Variants in MARCHF1 observed in about 807,000 individuals in gnomAD.
MARCHF1 encodes the protein membrane associated ring-CH-type finger 1.
In MARCHF1, 40 loss-of-function variants were observed where a neutral mutation model predicts 54.2. The ratio of observed to expected loss-of-function variants is 0.74; its 90% CI spans 0.57 to 0.96. The LOEUF (loss-of-function observed/expected upper bound fraction) is 0.96. Among genes scored for constraint, MARCHF1 ranks in the 40% least tolerant of loss-of-function variants. MARCHF1 has a pLI of 0.00. For synonymous variants in MARCHF1, 236 were observed against 236.3 expected (o/e 1.00, Z 0.01); for missense variants, 586 against 656.5 (o/e 0.89, Z 1.17).
chr4:164,162,254 C>A (rs1385825689), intron 1 of MARCHF1, among the ~76,000 whole-genome samples: 1 of 151,658 alleles, frequency 6.6e-6, no homozygotes, highest in African/African-American at 2.4e-5. Flanking sequence ...AATGCAAAAC[C>A]AATCATTACA....
At chr4:164,225,770 C>CA (rs1250458259) in intron 1 of MARCHF1, among the ~76,000 whole-genome samples, 3 of 151,990 alleles carry the variant, frequency 2.0e-5, no homozygotes, top group African/African-American at 7.2e-5. Flanking sequence ...TGTTGAAAAA[C>CA]AGTTTGGCAG....
intron 4 of MARCHF1, among the ~76,000 whole-genome samples, chr4:163,812,286 T>A (rs185840862): frequency 3.8e-3 from 520 of 138,640 alleles, no homozygotes; most frequent in Admixed American, 8.6e-3. Flanking sequence ...ATAACATATA[T>A]TATATATATA....
intron 3 of MARCHF1, among the ~76,000 whole-genome samples, chr4:163,921,830 A>G (rs747639921): frequency 6.6e-5 from 10 of 152,162 alleles, no homozygotes; most frequent in Non-Finnish European, 1.3e-4. Flanking sequence ...AATCTTGGAA[A>G]TTGGCAAAGG....
chr4:164,283,589 G>A (rs1734077396), intron 1 of MARCHF1, among the ~76,000 whole-genome samples: 1 of 150,938 alleles, frequency 6.6e-6, no homozygotes, highest in East Asian at 2.0e-4. Context: ...AGAATTTCTG[G>A]CAGTGCCAGA....
intron 9 of MARCHF1, among the ~76,000 whole-genome samples, chr4:163,536,217 T>A (rs944939877): frequency 5.3e-5 from 8 of 152,290 alleles, no homozygotes; most frequent in African/African-American, 1.7e-4. Context: ...ACAGACAGAC[T>A]GGAGATGAAA....
At chr4:163,569,815 T>C (rs182889731) in intron 8 of MARCHF1, among the ~76,000 whole-genome samples, 196 of 152,304 alleles carry the variant, frequency 1.3e-3, no homozygotes, top group Admixed American at 2.6e-3. Context: ...AATGATTTAT[T>C]ACAGTTACTT....
chr4:164,355,751 C>A (rs1310119973), intron 1 of MARCHF1, among the ~76,000 whole-genome samples: 2 of 103,154 alleles, frequency 1.9e-5, no homozygotes, highest in African/African-American at 3.2e-5. Context: ...CAACAAAAGC[C>A]AAAATTGACA....
intron 1 of MARCHF1, among the ~76,000 whole-genome samples, chr4:164,187,628 G>A (rs1430977): frequency 0.15 from 22,265 of 152,090 alleles, 2,199 homozygotes; most frequent in African/African-American, 0.26. Context: ...CCTGGCAAGG[G>A]CAACTGGCAG....
chr4:164,239,442 G>C (rs902687460), intron 1 of MARCHF1, among the ~76,000 whole-genome samples: 11 of 151,998 alleles, frequency 7.2e-5, no homozygotes, highest in African/African-American at 2.7e-4. Flanking sequence ...GAGACTTTTA[G>C]TATTTGATAA....
chr4:163,742,170 A>G (rs1746215718), intron 4 of MARCHF1, among the ~76,000 whole-genome samples: 1 of 152,124 alleles, frequency 6.6e-6, no homozygotes, highest in African/African-American at 2.4e-5. Flanking sequence ...GAAATACTCC[A>G]TGATCTTCTA....
intron 4 of MARCHF1, among the ~76,000 whole-genome samples, chr4:163,764,440 A>T (rs2110839112): frequency 6.6e-6 from 1 of 152,108 alleles, no homozygotes; most frequent in East Asian, 1.9e-4. Context: ...CAGAGGAAAA[A>T]TGTGTAAGGT....
chr4:164,229,676 T>C (rs193214143), intron 1 of MARCHF1, among the ~76,000 whole-genome samples: 26 of 152,114 alleles, frequency 1.7e-4, no homozygotes, highest in Non-Finnish European at 3.2e-4. Context: ...AGCATGATAC[T>C]GTCATCTGGT....
At chr4:164,125,550 G>T (rs534642637) in intron 1 of MARCHF1, among the ~76,000 whole-genome samples, 6 of 152,244 alleles carry the variant, frequency 3.9e-5, no homozygotes, top group Admixed American at 3.3e-4. Context: ...CTCCTGAAAT[G>T]ATTATTATTT....
chr4:163,701,578 C>A (rs778269752), intron 4 of MARCHF1, among the ~76,000 whole-genome samples: 4 of 152,024 alleles, frequency 2.6e-5, no homozygotes, highest in African/African-American at 4.8e-5. Flanking sequence ...CGTTTGAAGC[C>A]CAGAGACATT....
chr4:163,620,651 G>GCACA (rs147923508), intron 5 of MARCHF1, among the ~76,000 whole-genome samples: 13,733 of 88,356 alleles, frequency 0.16, 896 homozygotes, highest in East Asian at 0.32. Flanking sequence ...AGAGAGACAC[G>GCACA]CACACACACA....
At chr4:163,539,850 A>G (rs576609713) in intron 9 of MARCHF1, among the ~76,000 whole-genome samples, 11 of 152,368 alleles carry the variant, frequency 7.2e-5, no homozygotes, top group Non-Finnish European at 1.6e-4. Context: ...GACCACAGTG[A>G]CAATGGCTTA....
At chr4:163,610,189 A>ACTAT (rs1159015971) in intron 7 of MARCHF1, among the ~76,000 whole-genome samples, 33 of 151,954 alleles carry the variant, frequency 2.2e-4, no homozygotes, top group Non-Finnish European at 4.7e-4. Context: ...TTCTTCCTGT[A>ACTAT]CTATCTTATA....
At position 163,957,069 on chromosome 4, in the gene MARCHF1, T is replaced by C. The variant is rs527256852; in HGVS notation, c.-39+31432A>G. Among the ~76,000 whole-genome samples the C allele has an allele frequency of 4.6e-5, 7 of 152,158 alleles. No individual in the cohort carries two copies. The South Asian group carries it at 1.4e-3, about 31-fold the overall frequency. Reference sequence around the variant, plus strand: ...ACTATTTTTAAATGCTAAATAATTATATAAAGGTAAACAATAGAATCTGAA... The same window carrying C: ...ACTATTTTTAAATGCTAAATAATTACATAAAGGTAAACAATAGAATCTGAA... On this transcript the variant is annotated intron_variant, in intron 3 of 9. Transcript: ENST00000514618.
chr4:163,876,419 G>A (rs556519341), intron 3 of MARCHF1, among the ~76,000 whole-genome samples: 1 of 152,264 alleles, frequency 6.6e-6, no homozygotes, highest in Admixed American at 6.5e-5. Flanking sequence ...ACTTCAGAAT[G>A]TGTCTCAAAT....
Sources: allele counts gnomAD v4.1 joint callset (sites outside exome capture counted in the v4.1 genomes callset), GRCh38; gene constraint gnomAD v4.1.1; transcripts MANE v1.5; gene names NCBI Gene and HGNC (gene_info 2026-07-23, HGNC 2026-07-21).